The following POFUT3 variants were observed in gnomAD, a reference collection of about 807,000 sequenced individuals.
POFUT3 encodes the protein GDP-fucose protein O-fucosyltransferase 3.
chr8:33,404,614 A>T, the POFUT3 span, among the ~76,000 whole-genome samples: 1 of 152,168 alleles, frequency 6.6e-6, no homozygotes, highest in African/African-American at 2.4e-5. Context: ...CTTTATTGCT[A>T]AGCCACTTTG....
chr8:33,355,600 G>T, the POFUT3 span, among the ~76,000 whole-genome samples: 1 of 152,052 alleles, frequency 6.6e-6, no homozygotes, highest in Non-Finnish European at 1.5e-5. Context: ...TATATAAACT[G>T]GGATGTTATA....
At chr8:33,436,600 A>C in the POFUT3 span, 2 of 897,182 alleles carry the variant, frequency 2.2e-6, no homozygotes, top group Non-Finnish European at 3.7e-6. Context: ...ATAATTCTTA[A>C]TGATGCCACA....
the POFUT3 span, among the ~76,000 whole-genome samples, chr8:33,356,448 T>C: frequency 6.6e-6 from 1 of 152,058 alleles, no homozygotes; most frequent in African/African-American, 2.4e-5. Context: ...TTTCATGTGT[T>C]TTTTGGCTGC....
chr8:33,459,967 G>A, the POFUT3 span, among the ~76,000 whole-genome samples: 28 of 152,052 alleles, frequency 1.8e-4, no homozygotes, highest in African/African-American at 6.3e-4. Context: ...AGGCCGAGGC[G>A]GGTGGATCAC....
At chr8:33,389,858 C>G in the POFUT3 span, 1 of 1,227,868 alleles carries the variant, frequency 8.1e-7, no homozygotes, top group African/African-American at 1.5e-5. Context: ...AAGTTTGGGT[C>G]TACCTGGTAA....
the POFUT3 span, among the ~76,000 whole-genome samples, chr8:33,394,715 A>G: frequency 6.6e-6 from 1 of 152,058 alleles, no homozygotes; most frequent in Non-Finnish European, 1.5e-5. Flanking sequence ...TCAATGTGCC[A>G]ATGCTCATAT....
the POFUT3 span, among the ~76,000 whole-genome samples, chr8:33,421,584 G>A: frequency 6.7e-6 from 1 of 150,148 alleles, no homozygotes; most frequent in East Asian, 1.9e-4. Flanking sequence ...ATTCGCTTGA[G>A]GGAAAGAACC....
chr8:33,472,111 T>C, the POFUT3 span, among the ~76,000 whole-genome samples: 1 of 152,160 alleles, frequency 6.6e-6, no homozygotes, highest in African/African-American at 2.4e-5. Flanking sequence ...GTTTCCTGGG[T>C]GTCTCATTGG....
At chr8:33,453,822 C>T in the POFUT3 span, among the ~76,000 whole-genome samples, 1 of 152,020 alleles carries the variant, frequency 6.6e-6, no homozygotes, top group Non-Finnish European at 1.5e-5. Context: ...TGGCGGCACA[C>T]ACCTGTAATC....
At chr8:33,340,655 A>C in the POFUT3 span, among the ~76,000 whole-genome samples, 1 of 152,160 alleles carries the variant, frequency 6.6e-6, no homozygotes, top group Admixed American at 6.5e-5. Context: ...ATATGAGATA[A>C]AGTAGACTTC....
the POFUT3 span, chr8:33,389,947 C>T: frequency 1.6e-6 from 1 of 625,118 alleles, no homozygotes; most frequent in Admixed American, 2.9e-5. Context: ...GTAATCCCAG[C>T]ACTTTGGGAG....
At chr8:33,383,112 G>C in the POFUT3 span, among the ~76,000 whole-genome samples, 13 of 152,038 alleles carry the variant, frequency 8.6e-5, no homozygotes, top group Admixed American at 3.3e-4. Context: ...TCAGGGGCAG[G>C]GTCCTGAGGA....
At chr8:33,357,269 G>A in the POFUT3 span, among the ~76,000 whole-genome samples, 1 of 151,990 alleles carries the variant, frequency 6.6e-6, no homozygotes. Context: ...GGGCAGTATG[G>A]TCATTTTCAC....
chr8:33,399,746 T>A, the POFUT3 span, among the ~76,000 whole-genome samples: 1 of 151,902 alleles, frequency 6.6e-6, no homozygotes, highest in Admixed American at 6.6e-5. Flanking sequence ...CCTCCCCTAC[T>A]GGGTTCAAGC....
the POFUT3 span, among the ~76,000 whole-genome samples, chr8:33,350,846 T>C: frequency 1.3e-5 from 2 of 152,142 alleles, no homozygotes; most frequent in African/African-American, 2.4e-5. Flanking sequence ...AAGGGACCTA[T>C]TGGGGTGGAT....
At chr8:33,385,624 G>A in the POFUT3 span, among the ~76,000 whole-genome samples, 2 of 152,134 alleles carry the variant, frequency 1.3e-5, no homozygotes, top group Non-Finnish European at 2.9e-5. Flanking sequence ...GCTCACACCT[G>A]TAATCCTGGC....
chr8:33,389,017 T>G, the POFUT3 span: 4 of 1,614,068 alleles, frequency 2.5e-6, no homozygotes, highest in Non-Finnish European at 8.5e-7. Context: ...TACACTCAAA[T>G]GCATCGATGT....
chr8:33,419,024 T>C, the POFUT3 span, among the ~76,000 whole-genome samples: 2 of 152,036 alleles, frequency 1.3e-5, no homozygotes, highest in Non-Finnish European at 1.5e-5. Flanking sequence ...ACTAAAAGAA[T>C]TGATCTCATG....
the POFUT3 span, among the ~76,000 whole-genome samples, chr8:33,360,261 G>A: frequency 6.6e-6 from 1 of 151,872 alleles, no homozygotes; most frequent in African/African-American, 2.4e-5. Context: ...TGGCTAACAT[G>A]GTGAAACCCC....
Sources: gnomAD v4.1 joint callset for allele counts (sites outside exome capture counted in the v4.1 genomes callset) on GRCh38, gnomAD v4.1.1 for gene constraint, MANE v1.5 for transcripts, NCBI Gene and HGNC (gene_info 2026-07-23, HGNC 2026-07-21) for gene names.